TNFAIP8: variants seen among roughly 807,000 people sequenced by gnomAD.
TNFAIP8 encodes TNF alpha induced protein 8.
Under a neutral mutation model 13.3 loss-of-function variants are expected in TNFAIP8, and 7 were observed. The observed-to-expected ratio is 0.52, with a 90% CI of 0.30 to 0.99. TNFAIP8 has a LOEUF of 0.99. Ranked by LOEUF, TNFAIP8 falls within the 50% of genes least tolerant of loss-of-function variation. TNFAIP8 has a pLI of 0.07. For missense variants in TNFAIP8, 258 were observed against 236.9 expected (o/e 1.09, Z -0.58); for synonymous variants, 94 against 87.6 (o/e 1.07, Z -0.41).
At chr5:119,390,025 A>G (rs1030764584) in intron 1 of TNFAIP8, among the ~76,000 whole-genome samples, 4 of 152,248 alleles carry the variant, frequency 2.6e-5, no homozygotes, top group African/African-American at 9.6e-5. Flanking sequence ...AGATTTAATC[A>G]GAAAAGTAGC....
chr5:119,300,050 C>T (rs1366746255), intron 1 of TNFAIP8, among the ~76,000 whole-genome samples: 1 of 152,258 alleles, frequency 6.6e-6, no homozygotes, highest in East Asian at 1.9e-4. Flanking sequence ...CTCCCTGACC[C>T]CTTGTGCTTC....
chr5:119,366,544 A>T (rs1751864152), intron 1 of TNFAIP8, among the ~76,000 whole-genome samples: 1 of 152,220 alleles, frequency 6.6e-6, no homozygotes, highest in Non-Finnish European at 1.5e-5. Flanking sequence ...AAAGCTTGAA[A>T]ATGGCAAATG....
At position 119,398,018 on chromosome 5, in the gene TNFAIP8, G is replaced by C. The variant is rs972609777; in HGVS notation, c.*4637G>C. 6.6e-6 allele frequency: 1 copy of C among 152,230 alleles called. No individual in the cohort carries two copies. The highest frequency in any genetic ancestry group is 1.5e-5 in the Non-Finnish European group (1 of 68,038). 9.4% of individuals were successfully genotyped at this position (152,230 alleles called of 1,614,324 possible). A position where few individuals can be genotyped will look rare whatever the true frequency, so the allele number is the denominator to read the frequency against. ...GAGCACTGAGAAAGGATATGGACAA[G>C]TCAGTCAGCATTCACAATTAAGAGA... On this transcript the variant is annotated 3_prime_UTR_variant, in exon 2 of 2. Transcript: ENST00000504771.
At chr5:119,319,548 T>C (rs903864740) in intron 1 of TNFAIP8, among the ~76,000 whole-genome samples, 1 of 152,214 alleles carries the variant, frequency 6.6e-6, no homozygotes, top group African/African-American at 2.4e-5. Context: ...ACACATGTTG[T>C]GGGAGAGTTC....
At chr5:119,296,552 A>G (rs1239695427) in intron 1 of TNFAIP8, among the ~76,000 whole-genome samples, 1 of 152,118 alleles carries the variant, frequency 6.6e-6, no homozygotes, top group Admixed American at 6.5e-5. Context: ...GGATTTTTGC[A>G]TCAATGTTCA....
chr5:119,329,589 A>T (rs897221994), intron 1 of TNFAIP8, among the ~76,000 whole-genome samples: 5 of 152,214 alleles, frequency 3.3e-5, no homozygotes, highest in African/African-American at 7.2e-5. Context: ...GCGATATGAT[A>T]TGAAGAGAAA....
chr5:119,290,994 G>T (rs993691201), intron 1 of TNFAIP8, among the ~76,000 whole-genome samples: 1 of 152,134 alleles, frequency 6.6e-6, no homozygotes. Context: ...GTCTTTGAAG[G>T]TTTTTGAGCA....
At chr5:119,366,576 G>A (rs905523976) in intron 1 of TNFAIP8, among the ~76,000 whole-genome samples, 3 of 152,222 alleles carry the variant, frequency 2.0e-5, no homozygotes, top group African/African-American at 7.2e-5. Context: ...AAGCAGTGGT[G>A]TCTGCCTGTG....
chr5:119,286,639 G>A (rs1018659677), intron 1 of TNFAIP8, among the ~76,000 whole-genome samples: 25 of 141,612 alleles, frequency 1.8e-4, no homozygotes, highest in African/African-American at 6.5e-4. Context: ...AAAAAAAAAA[G>A]TCCCAAAGAG....
At chr5:119,273,921 C>T (rs1748366325) in intron 1 of TNFAIP8, among the ~76,000 whole-genome samples, 1 of 152,346 alleles carries the variant, frequency 6.6e-6, no homozygotes, top group African/African-American at 2.4e-5. Context: ...TCAATACCCT[C>T]TCTAAGCCTG....
At chr5:119,320,681 T>G (rs1007560733) in intron 1 of TNFAIP8, among the ~76,000 whole-genome samples, 16 of 152,156 alleles carry the variant, frequency 1.1e-4, no homozygotes, top group African/African-American at 3.9e-4. Context: ...TTTTTCTTTT[T>G]GTAGTATGAC....
At chr5:119,392,086 G>T (rs1356123184) in intron 1 of TNFAIP8, among the ~76,000 whole-genome samples, 1 of 152,146 alleles carries the variant, frequency 6.6e-6, no homozygotes, top group East Asian at 1.9e-4. Context: ...GTGAACAATG[G>T]CCATTCATCA....
intron 1 of TNFAIP8, among the ~76,000 whole-genome samples, chr5:119,321,692 C>T (rs1259546919): frequency 3.3e-5 from 5 of 152,206 alleles, no homozygotes; most frequent in Admixed American, 2.6e-4. Flanking sequence ...CTGCTTCTCC[C>T]ACCATCACTT....
intron 1 of TNFAIP8, among the ~76,000 whole-genome samples, chr5:119,307,709 A>G (rs921497274): frequency 6.6e-6 from 1 of 152,268 alleles, no homozygotes; most frequent in Non-Finnish European, 1.5e-5. Context: ...TAAATTGTGC[A>G]TCTTACAACC....
intron 1 of TNFAIP8, among the ~76,000 whole-genome samples, chr5:119,377,031 T>C (rs1243559443): frequency 1.3e-5 from 2 of 152,188 alleles, no homozygotes; most frequent in Non-Finnish European, 2.9e-5. Context: ...TTTGTTTATA[T>C]ATTAGGTGTC....
rs1580457948 is a variant in TNFAIP8, at chr5:119,396,183, T to C, written c.*2802T>C. ...TTAAAGATGATATGGCTAAAGGCAG[T>C]GCTAGGAACATCTTTGGCTCAGAGA... On this transcript the variant is annotated 3_prime_UTR_variant, in exon 2 of 2. Transcript: ENST00000504771. The C allele has an allele frequency of 6.6e-6, 1 of 152,222 alleles. No homozygotes were observed. The highest frequency in any genetic ancestry group is 2.1e-4 in the South Asian group (1 of 4,832). The allele number at this position is 152,222 out of a possible 1,614,324, so 9.4% of individuals were successfully genotyped here.
intron 1 of TNFAIP8, among the ~76,000 whole-genome samples, chr5:119,300,369 A>G (rs1476026532): frequency 6.6e-6 from 1 of 152,216 alleles, no homozygotes; most frequent in Admixed American, 6.5e-5. Flanking sequence ...CATTTTAGAA[A>G]GGGTAAAATT....
chr5:119,364,179 C>T (rs1426971063), intron 1 of TNFAIP8, among the ~76,000 whole-genome samples: 2 of 152,106 alleles, frequency 1.3e-5, no homozygotes, highest in African/African-American at 2.4e-5. Flanking sequence ...CTGATTGGTT[C>T]GTCTGCTAAC....
chr5:119,338,199 CACACACACACA>C (rs1562006783), intron 1 of TNFAIP8, among the ~76,000 whole-genome samples: 2 of 145,588 alleles, frequency 1.4e-5, no homozygotes, highest in African/African-American at 5.1e-5. Flanking sequence ...CACACACACA[CACACACACACA>C]CCTTCTCAGC....
Sources: gnomAD v4.1 joint callset for allele counts (sites outside exome capture counted in the v4.1 genomes callset) on GRCh38, gnomAD v4.1.1 for gene constraint, MANE v1.5 for transcripts, NCBI Gene and HGNC (gene_info 2026-07-23, HGNC 2026-07-21) for gene names.